The following TCF4 variants were observed in gnomAD, a reference collection of about 807,000 sequenced individuals.
The protein encoded by TCF4 is SL3-3 enhancer factor 2.
A neutral mutation model predicts 82.1 loss-of-function variants in TCF4; 3 were observed. The ratio of observed to expected loss-of-function variants is 0.04; its 90% CI spans 0.02 to 0.09. The LOEUF (loss-of-function observed/expected upper bound fraction) is 0.09. Ranked by LOEUF, TCF4 falls within the 10% of genes least tolerant of loss-of-function variation. The pLI, the probability that TCF4 is intolerant of heterozygous loss-of-function variation, is 1.00. For missense variants in TCF4, 518 were observed against 852.7 expected (o/e 0.61, Z 4.89); for synonymous variants, 276 against 309.6 (o/e 0.89, Z 1.14).
intron 15 of TCF4, among the ~76,000 whole-genome samples, chr18:55,252,100 A>G (rs2055374210): frequency 6.6e-6 from 1 of 152,148 alleles, no homozygotes. Context: ...AGGCCAAACC[A>G]ATCCTTTTCA....
intron 15 of TCF4, among the ~76,000 whole-genome samples, chr18:55,251,800 C>G (rs1045147139): frequency 6.6e-6 from 1 of 152,162 alleles, no homozygotes; most frequent in Non-Finnish European, 1.5e-5. Context: ...GTGCATACCT[C>G]CCACGGCTAC....
intron 8 of TCF4, among the ~76,000 whole-genome samples, chr18:55,306,343 G>C (rs530153731): frequency 6.6e-6 from 1 of 152,090 alleles, no homozygotes; most frequent in Non-Finnish European, 1.5e-5. Context: ...TCTTATAAAA[G>C]AACCAGTTTT....
At chr18:55,242,002 T>C (rs1463650192) in intron 15 of TCF4, among the ~76,000 whole-genome samples, 1 of 152,152 alleles carries the variant, frequency 6.6e-6, no homozygotes, top group African/African-American at 2.4e-5. Context: ...TACCTACGCA[T>C]GGCCTCTCAT....
chr18:55,542,054 G>A (rs529793870), intron 3 of TCF4, among the ~76,000 whole-genome samples: 2 of 152,082 alleles, frequency 1.3e-5, no homozygotes, highest in South Asian at 4.1e-4. Flanking sequence ...CACAAGCAAA[G>A]AGTAAGTCCA....
chr18:55,234,844 C>A (rs1333058761), intron 15 of TCF4, among the ~76,000 whole-genome samples, 161 bp from the exon 16 acceptor site: 1 of 152,110 alleles, frequency 6.6e-6, no homozygotes, highest in African/African-American at 2.4e-5. Flanking sequence ...ACCTATAGTT[C>A]CCGGCGAAAA....
chr18:55,569,758 A>T (rs1421304931), intron 3 of TCF4, among the ~76,000 whole-genome samples: 1 of 152,212 alleles, frequency 6.6e-6, no homozygotes. Context: ...TTGTTTTGAG[A>T]TATCAGACAC....
intron 3 of TCF4, among the ~76,000 whole-genome samples, chr18:55,514,510 A>T (rs2096861739): frequency 6.6e-6 from 1 of 152,070 alleles, no homozygotes; most frequent in Admixed American, 6.6e-5. Context: ...AGGCCTAAAA[A>T]CTAATCTAGA....
At chr18:55,497,748 C>T (rs1452270008) in intron 3 of TCF4, among the ~76,000 whole-genome samples, 1 of 152,058 alleles carries the variant, frequency 6.6e-6, no homozygotes, top group Non-Finnish European at 1.5e-5. Flanking sequence ...GAAGACCTCA[C>T]AATATCCAGC....
Position 55,387,873 on chromosome 18 carries a change from CG to C in TCF4, c.369+15580del, listed in dbSNP as rs1196120256. Among the ~76,000 whole-genome samples the C allele has an allele frequency of 6.6e-5, 10 of 152,196 alleles. No individual in the cohort carries two copies. In the East Asian group the frequency reaches 1.9e-3, roughly 29 times the overall value. ...TGACCTTTTGCTCTTTGGAAGAAAG[CG>C]GGTACAAAGACATCAAAGGAAAACT... On this transcript the variant is annotated intron_variant, in intron 6 of 19. Transcript: ENST00000354452.
chr18:55,555,073 T>C (rs1361598618), intron 3 of TCF4, among the ~76,000 whole-genome samples: 3 of 152,324 alleles, frequency 2.0e-5, no homozygotes, highest in Non-Finnish European at 4.4e-5. Context: ...CAGGAAAATA[T>C]GTTTTGAAGA....
At chr18:55,494,870 T>C (rs1346112243) in intron 3 of TCF4, among the ~76,000 whole-genome samples, 1 of 151,862 alleles carries the variant, frequency 6.6e-6, no homozygotes, top group Non-Finnish European at 1.5e-5. Context: ...TCAGTTCAAG[T>C]TATTAACTTT....
intron 6 of TCF4, among the ~76,000 whole-genome samples, chr18:55,378,585 G>A (rs2091307042): frequency 6.6e-6 from 1 of 152,188 alleles, no homozygotes; most frequent in Non-Finnish European, 1.5e-5. Flanking sequence ...TGTGACTAGT[G>A]CAGCTAAGAA....
chr18:55,436,772 A>G (rs564245196), intron 5 of TCF4, among the ~76,000 whole-genome samples: 24 of 152,224 alleles, frequency 1.6e-4, no homozygotes, highest in Non-Finnish European at 3.2e-4. Flanking sequence ...TATTATTCCA[A>G]AGGTCACTGG....
chr18:55,245,359 C>T (rs1479899630), intron 15 of TCF4, among the ~76,000 whole-genome samples: 1 of 152,206 alleles, frequency 6.6e-6, no homozygotes, highest in Non-Finnish European at 1.5e-5. Flanking sequence ...CAAGTTGCTC[C>T]AGTATTTTCT....
At chr18:55,620,207 C>A (rs1942438) in intron 2 of TCF4, among the ~76,000 whole-genome samples, 4,386 of 152,250 alleles carry the variant, frequency 0.029, 227 homozygotes, top group African/African-American at 0.1. Flanking sequence ...GTCAATTAAA[C>A]TTCTTTCCTT....
chr18:55,590,874 C>A (rs529303518), upstream of TCF4, among the ~76,000 whole-genome samples: 76 of 152,248 alleles, frequency 5.0e-4, no homozygotes, highest in Non-Finnish European at 8.8e-4. Flanking sequence ...GCAACAGAAG[C>A]AAGTAAAATT....
chr18:55,477,552 T>C (rs537305188), intron 3 of TCF4, among the ~76,000 whole-genome samples: 3 of 152,174 alleles, frequency 2.0e-5, no homozygotes, highest in Non-Finnish European at 4.4e-5. Context: ...GTGTGTCCTT[T>C]TTCACAGGGC....
At chr18:55,445,859 G>A (rs527794866) in intron 5 of TCF4, among the ~76,000 whole-genome samples, 4 of 152,226 alleles carry the variant, frequency 2.6e-5, no homozygotes, top group African/African-American at 4.8e-5. Flanking sequence ...GCATTACCAC[G>A]TATATTATTA....
At chr18:55,362,393 A>AAGGAAG (rs1603353070) in intron 6 of TCF4, among the ~76,000 whole-genome samples, 44 of 43,444 alleles carry the variant, frequency 1.0e-3, no homozygotes, top group East Asian at 2.3e-3. Flanking sequence ...AAGGAAGGAA[A>AAGGAAG]GAAGGAAGGA....
Sources: allele counts gnomAD v4.1 joint callset (sites outside exome capture counted in the v4.1 genomes callset), GRCh38; gene constraint gnomAD v4.1.1; transcripts MANE v1.5; gene names NCBI Gene and HGNC (gene_info 2026-07-23, HGNC 2026-07-21).